Variants in LAMA1 observed in about 807,000 individuals in gnomAD.
The protein encoded by LAMA1 is laminin subunit alpha 1, also known as laminin subunit alpha-1.
LAMA1 carries 219 observed loss-of-function variants against 348.7 expected under a neutral mutation model. The observed-to-expected ratio is 0.63, with a 90% CI of 0.56 to 0.70. The LOEUF (loss-of-function observed/expected upper bound fraction) is 0.70, where lower values mean the gene tolerates loss of function less well. LAMA1 is among the 30% of genes least tolerant of loss of function. The pLI, the probability that LAMA1 is intolerant of heterozygous loss-of-function variation, is 0.00. For missense variants in LAMA1, 3,744 were observed against 3,888.0 expected (o/e 0.96, Z 0.99); for synonymous variants, 1,487 against 1,491.0 (o/e 1.00, Z 0.06).
chr18:7,102,259 G>A (rs2058294115), intron 1 of LAMA1, among the ~76,000 whole-genome samples: 1 of 152,098 alleles, frequency 6.6e-6, no homozygotes, highest in South Asian at 2.1e-4. Flanking sequence ...TTAGTAATAA[G>A]TGATATTTAT....
At chr18:7,071,665 T>C (rs1270275461) in intron 3 of LAMA1, among the ~76,000 whole-genome samples, 1 of 152,218 alleles carries the variant, frequency 6.6e-6, no homozygotes, top group Non-Finnish European at 1.5e-5. Context: ...CTGGGAAATG[T>C]TCATGCTATA....
intron 1 of LAMA1, among the ~76,000 whole-genome samples, chr18:7,116,198 C>T (rs1331109361): frequency 2.0e-5 from 3 of 152,240 alleles, no homozygotes; most frequent in South Asian, 2.1e-4. Context: ...GGGGCCAGGA[C>T]AACCTTCAGG....
At chr18:7,029,025 A>G (rs1037795877) in intron 16 of LAMA1, among the ~76,000 whole-genome samples, 8 of 152,194 alleles carry the variant, frequency 5.3e-5, no homozygotes, top group African/African-American at 1.4e-4. Context: ...CATTTCCATC[A>G]TTCCTCAGGT....
chr18:6,982,717 A>G, intron 40 of LAMA1, 127 bp from the exon 41 acceptor site: 1 of 808,806 alleles, frequency 1.2e-6, no homozygotes, highest in South Asian at 1.4e-5. Flanking sequence ...GCCAGGTACC[A>G]GGTAGGGACA....
chr18:7,026,994 A>G lies in LAMA1; in HGVS notation c.2275-888T>C, dbSNP rs1250599470. On this transcript the variant is annotated intron_variant, in intron 16 of 62. Transcript: ENST00000389658. ...GCGAGACTCCGTCTCAAAAAAAAAAAAAAAAGATTATATTATTCAAAATGC... is the reference window on the plus strand; with the variant it reads ...GCGAGACTCCGTCTCAAAAAAAAAAGAAAAAGATTATATTATTCAAAATGC... Among the ~76,000 whole-genome samples the G allele has an allele frequency of 3.9e-5, 6 of 152,164 alleles. No individual in the cohort carries two copies. The South Asian group carries it at 6.2e-4, about 16-fold the overall frequency.
chr18:7,045,068 A>G (rs915173852), intron 6 of LAMA1, among the ~76,000 whole-genome samples: 12 of 150,818 alleles, frequency 8.0e-5, no homozygotes, highest in Admixed American at 7.2e-4. Flanking sequence ...AATACGACTT[A>G]GCTAATAAAA....
At position 6,978,183 on chromosome 18, in the gene LAMA1, G is replaced by A. The variant is rs772256829; in HGVS notation, c.6190+13C>T. ...GCAGACGATCATGACTGGAAGGAAG[G>A]GCGCTGACATACTGGCCATGGTGGA... On this transcript the variant is annotated intron_variant, in intron 43 of 62. Transcript: ENST00000389658. 5 of 1,614,078 alleles carry A rather than the reference G, an allele frequency of 3.1e-6. No homozygotes were observed. The South Asian group carries it at 4.4e-5, about 14-fold the overall frequency.
Position 7,059,503 on chromosome 18 carries a change from C to A in LAMA1, c.346-8567G>T, listed in dbSNP as rs189831258. Among the ~76,000 whole-genome samples the A allele has an allele frequency of 4.6e-5, 7 of 152,286 alleles. No individual in the cohort carries two copies. In the East Asian group the frequency reaches 1.4e-3, roughly 29 times the overall value. On this transcript the variant is annotated intron_variant, in intron 3 of 62. Coordinates refer to ENST00000389658, the MANE Select transcript of LAMA1 (RefSeq NM_005559.4). ...CAAACGCCACTTTCTGAAAAGGAATCCAGACAGGAATGTTCATGTGGGCCT... is the reference window on the plus strand; with the variant it reads ...CAAACGCCACTTTCTGAAAAGGAATACAGACAGGAATGTTCATGTGGGCCT...
At chr18:7,059,510 G>T (rs544103398) in intron 3 of LAMA1, among the ~76,000 whole-genome samples, 32 of 152,202 alleles carry the variant, frequency 2.1e-4, no homozygotes, top group African/African-American at 6.8e-4. Context: ...AATCCAGACA[G>T]GAATGTTCAT....
At chr18:7,072,510 T>G (rs1165660149) in intron 3 of LAMA1, among the ~76,000 whole-genome samples, 1 of 152,218 alleles carries the variant, frequency 6.6e-6, no homozygotes, top group Admixed American at 6.5e-5. Context: ...ACCAAGCTGG[T>G]GCCCTGATGC....
chr18:7,040,326 G>T, intron 9 of LAMA1, 90 bp from the exon 10 acceptor site: 1 of 1,379,732 alleles, frequency 7.2e-7, no homozygotes, highest in South Asian at 1.2e-5. Flanking sequence ...AGGGTCAGAG[G>T]GTATCTATTT....
intron 42 of LAMA1, among the ~76,000 whole-genome samples, chr18:6,979,375 G>T (rs1474343484): frequency 2.0e-5 from 3 of 151,836 alleles, no homozygotes; most frequent in African/African-American, 4.8e-5. Context: ...TGCTTATTAA[G>T]AAAAAAAGGA....
At chr18:7,034,713 A>G (rs1176585399) in intron 13 of LAMA1, 23 bp from the exon 14 acceptor site, 1 of 1,584,888 alleles carries the variant, frequency 6.3e-7, no homozygotes, top group East Asian at 2.2e-5. Context: ...AACAAGAGAA[A>G]ATATATTTGT....
chr18:6,973,608 G>A (rs1184839551), intron 46 of LAMA1, among the ~76,000 whole-genome samples: 1 of 152,138 alleles, frequency 6.6e-6, no homozygotes, highest in African/African-American at 2.4e-5. Context: ...CTTTGTGCCT[G>A]AATTTTAAGA....
intron 3 of LAMA1, among the ~76,000 whole-genome samples, chr18:7,070,354 C>G (rs932518451): frequency 2.2e-4 from 34 of 152,168 alleles, no homozygotes; most frequent in Non-Finnish European, 2.4e-4. Flanking sequence ...TTTCCAGGAA[C>G]AGCCAAAATT....
chr18:7,024,287 T>C (rs2057932471), intron 18 of LAMA1, 93 bp downstream of exon 18: 3 of 951,836 alleles, frequency 3.2e-6, no homozygotes. Context: ...GCATCAAAAC[T>C]CCAAAACCAC....
chr18:7,038,524 C>T (rs1007426760), intron 11 of LAMA1: 68 of 467,174 alleles, frequency 1.5e-4, no homozygotes, highest in African/African-American at 1.3e-3. Context: ...GAGAGCCGAC[C>T]TCCCCACCCA....
rs533734845 is a variant in LAMA1, at chr18:7,027,393, G to T, written c.2275-1287C>A. On this transcript the variant is annotated intron_variant, in intron 16 of 62. Transcript: ENST00000389658. The stretch of plus-strand genomic sequence containing the variant: ...ATTAATAAGGCAAATGGGGAAAATG[G>T]CAACAACACGGGAGTCTAGATAAAT... 3.9e-5 allele frequency among the ~76,000 whole-genome samples: 6 copies of T among 152,206 alleles called. No homozygotes were observed. In the South Asian group the frequency reaches 1.2e-3, roughly 32 times the overall value.
At chr18:6,974,816 G>A (rs957043514) in intron 46 of LAMA1, 87 bp downstream of exon 46, 70 of 1,521,372 alleles carry the variant, frequency 4.6e-5, no homozygotes, top group Non-Finnish European at 6.1e-5. Flanking sequence ...AAGTTTCAAA[G>A]CCTATTATAT....
Sources: allele counts gnomAD v4.1 joint callset (sites outside exome capture counted in the v4.1 genomes callset), GRCh38; gene constraint gnomAD v4.1.1; transcripts MANE v1.5; gene names NCBI Gene and HGNC (gene_info 2026-07-23, HGNC 2026-07-21).